Variants in DSCAM observed in about 807,000 individuals in gnomAD.
DSCAM encodes DS cell adhesion molecule, also known as cell adhesion molecule DSCAM.
A neutral mutation model predicts 217.7 loss-of-function variants in DSCAM; 47 were observed. The ratio of observed to expected loss-of-function variants is 0.22; its 90% CI spans 0.17 to 0.28. DSCAM has a LOEUF of 0.28. Ranked by LOEUF, DSCAM falls within the 10% of genes least tolerant of loss-of-function variation. DSCAM has a pLI of 1.00. For missense variants in DSCAM, 2,080 were observed against 2,618.3 expected (o/e 0.79, Z 4.49); for synonymous variants, 1,056 against 1,015.3 (o/e 1.04, Z -0.76).
chr21:40,680,544 G>T (rs9976496), intron 3 of DSCAM, among the ~76,000 whole-genome samples: 3 of 126,314 alleles, frequency 2.4e-5, no homozygotes, highest in Admixed American at 7.3e-5. Context: ...AGAGCACACA[G>T]GATCTGTGTA....
At chr21:40,312,016 C>CATCATCTTAAACCATTGTTA in intron 9 of DSCAM, 65 bp downstream of exon 9, 1 of 1,230,942 alleles carries the variant, frequency 8.1e-7, no homozygotes, top group Admixed American at 2.2e-5. Context: ...TTTCAAGCCC[C>CATCATCTTAAACCATTGTTA]ATCATCTTAA....
At chr21:40,271,674 G>C (rs1053531159) in intron 11 of DSCAM, among the ~76,000 whole-genome samples, 10 of 152,132 alleles carry the variant, frequency 6.6e-5, no homozygotes, top group Non-Finnish European at 8.8e-5. Context: ...AAACAAGATG[G>C]CTACAAGATG....
intron 3 of DSCAM, among the ~76,000 whole-genome samples, chr21:40,579,036 C>T (rs2146218017): frequency 6.6e-6 from 1 of 152,234 alleles, no homozygotes; most frequent in East Asian, 1.9e-4. Flanking sequence ...CAGAAAGATG[C>T]ACATTAGCAC....
At chr21:40,287,581 T>C (rs1353951527) in intron 10 of DSCAM, among the ~76,000 whole-genome samples, 1 of 152,176 alleles carries the variant, frequency 6.6e-6, no homozygotes, top group African/African-American at 2.4e-5. Flanking sequence ...TTCCCCTCCA[T>C]CTTGCATGGA....
chr21:40,141,522 A>C (rs1243667440), intron 18 of DSCAM, among the ~76,000 whole-genome samples: 2 of 152,210 alleles, frequency 1.3e-5, no homozygotes, highest in Non-Finnish European at 2.9e-5. Context: ...AGGCTGAGGC[A>C]GGAGAATTGC....
At chr21:40,037,699 G>A (rs1353967854) in intron 32 of DSCAM, among the ~76,000 whole-genome samples, 7 of 148,294 alleles carry the variant, frequency 4.7e-5, no homozygotes, top group African/African-American at 7.6e-5. Flanking sequence ...AAAAGAGCCC[G>A]CATTGCCAAG....
chr21:40,824,616 C>T (rs150625460), intron 1 of DSCAM, among the ~76,000 whole-genome samples: 12 of 152,058 alleles, frequency 7.9e-5, no homozygotes, highest in African/African-American at 2.2e-4. Context: ...GGTCTCACCA[C>T]GTTTTCCAGG....
At chr21:40,577,826 G>A (rs917830650) in intron 3 of DSCAM, among the ~76,000 whole-genome samples, 4 of 152,222 alleles carry the variant, frequency 2.6e-5, no homozygotes, top group Admixed American at 6.5e-5. Context: ...TGATAGACTC[G>A]GGGCTTTGGG....
At chr21:40,594,811 G>A (rs1331384878) in intron 3 of DSCAM, among the ~76,000 whole-genome samples, 1 of 152,182 alleles carries the variant, frequency 6.6e-6, no homozygotes. Context: ...TGTTACTCAG[G>A]GGAGGGGAGG....
chr21:40,289,821 C>T (rs1287011629), intron 10 of DSCAM, among the ~76,000 whole-genome samples: 6 of 151,912 alleles, frequency 3.9e-5, no homozygotes, highest in Non-Finnish European at 8.8e-5. Flanking sequence ...AGCAAAGATA[C>T]AATAAGCAAA....
chr21:40,520,484 A>T (rs1015797815), intron 3 of DSCAM, among the ~76,000 whole-genome samples: 6 of 152,168 alleles, frequency 3.9e-5, no homozygotes, highest in Non-Finnish European at 8.8e-5. Context: ...GAAATAAAAC[A>T]CAAACACTAA....
intron 3 of DSCAM, among the ~76,000 whole-genome samples, chr21:40,532,395 G>A (rs947904191): frequency 6.6e-6 from 1 of 152,136 alleles, no homozygotes; most frequent in African/African-American, 2.4e-5. Flanking sequence ...AGGTGTCTGA[G>A]ATGCCTCACT....
chr21:40,084,043 T>G (rs559907080), intron 23 of DSCAM, 37 bp from the exon 24 acceptor site: 1 of 1,537,132 alleles, frequency 6.5e-7, no homozygotes, highest in Non-Finnish European at 8.9e-7. Flanking sequence ...CAAGAATTAG[T>G]TTTTCACATC....
chr21:40,437,322 G>A (rs370694588), intron 3 of DSCAM, among the ~76,000 whole-genome samples: 1 of 152,044 alleles, frequency 6.6e-6, no homozygotes, highest in African/African-American at 2.4e-5. Flanking sequence ...AACTAAGCTC[G>A]GGGCTCCACC....
At chr21:40,430,879 T>C (rs1201141840) in intron 3 of DSCAM, among the ~76,000 whole-genome samples, 1 of 152,228 alleles carries the variant, frequency 6.6e-6, no homozygotes, top group Non-Finnish European at 1.5e-5. Flanking sequence ...CACACATCTT[T>C]ACCGGCATTC....
At chr21:40,692,769 G>A (rs2090551285) in intron 3 of DSCAM, 41 bp downstream of exon 3, 1 of 1,572,674 alleles carries the variant, frequency 6.4e-7, no homozygotes, top group Non-Finnish European at 8.7e-7. Flanking sequence ...CTTTTCAGAA[G>A]GTGAGCGTGG....
chr21:40,239,821 A>G (rs1174499883), intron 11 of DSCAM, among the ~76,000 whole-genome samples: 1 of 152,218 alleles, frequency 6.6e-6, no homozygotes, highest in South Asian at 2.1e-4. Context: ...TATTTTATAC[A>G]GTAACCCTGA....
chr21:40,777,351 C>T (rs2091497420), intron 1 of DSCAM, among the ~76,000 whole-genome samples: 1 of 152,164 alleles, frequency 6.6e-6, no homozygotes, highest in Non-Finnish European at 1.5e-5. Context: ...CAGACAACAG[C>T]ACATCATAAA....
chr21:40,333,100 T>A (rs970584389), intron 8 of DSCAM, among the ~76,000 whole-genome samples: 3 of 152,210 alleles, frequency 2.0e-5, no homozygotes, highest in African/African-American at 7.2e-5. Flanking sequence ...GCTGAAATAT[T>A]CACTGTGTGG....
Sources: allele counts gnomAD v4.1 joint callset (sites outside exome capture counted in the v4.1 genomes callset), GRCh38; gene constraint gnomAD v4.1.1; transcripts MANE v1.5; gene names NCBI Gene and HGNC (gene_info 2026-07-23, HGNC 2026-07-21).